Variants in SHTN1 observed in about 807,000 individuals in gnomAD.
The protein encoded by SHTN1 is shootin-1.
A neutral mutation model predicts 83.1 loss-of-function variants in SHTN1; 42 were observed. The ratio of observed to expected loss-of-function variants is 0.51; its 90% confidence interval spans 0.39 to 0.65. SHTN1 has a LOEUF of 0.65. SHTN1 is among the 30% of genes least tolerant of loss of function. The probability of loss-of-function intolerance (pLI) is 0.00; values close to 1 mark genes in which losing one functional copy is unlikely to be tolerated. For synonymous variants in SHTN1, 224 were observed against 247.7 expected (o/e 0.90, Z 0.90); for missense variants, 622 against 737.8 (o/e 0.84, Z 1.82).
intron 1 of SHTN1, among the ~76,000 whole-genome samples, chr10:117,003,607 G>A (rs777009655): frequency 6.6e-6 from 1 of 151,880 alleles, no homozygotes; most frequent in African/African-American, 2.4e-5. Flanking sequence ...AAGAGTACTG[G>A]ACAGGACCTC....
intron 15 of SHTN1, among the ~76,000 whole-genome samples, chr10:116,905,208 C>CAAAAA (rs772309175): frequency 1.7e-4 from 11 of 63,434 alleles, no homozygotes; most frequent in African/African-American, 4.9e-4. Flanking sequence ...GACTCCGTCT[C>CAAAAA]AAAAAAAAAA....
rs117683264 is a variant in SHTN1 at position 117,124,990 on chromosome 10, C to T, written c.-189+1317G>A. ...AGTTACTTGGAAACAGCTTCCTACT[C>T]TGCCATGACCTGCCCAGGCTAAGAA... On this transcript the variant is annotated intron_variant, in intron 1 of 17. Coordinates refer to the SHTN1 transcript ENST00000392901. Among the ~76,000 whole-genome samples the T allele has an allele frequency of 2.0e-5, 3 of 152,274 alleles. No individual in the cohort carries two copies. The East Asian group carries it at 5.8e-4, about 29-fold the overall frequency.
intron 2 of SHTN1, among the ~76,000 whole-genome samples, chr10:116,972,367 G>A (rs1166917404): frequency 1.3e-5 from 2 of 151,824 alleles, no homozygotes; most frequent in Non-Finnish European, 2.9e-5. Context: ...TGGGGGTGGG[G>A]AGAGTCTACA....
chr10:116,932,802 TTGTTA>T (rs1849018861), intron 9 of SHTN1, among the ~76,000 whole-genome samples: 1 of 152,214 alleles, frequency 6.6e-6, no homozygotes, highest in African/African-American at 2.4e-5. Context: ...GAAGTAGTGA[TTGTTA>T]TAATTTCATT....
chr10:116,917,022 T>C (rs914225470), intron 12 of SHTN1, among the ~76,000 whole-genome samples: 14 of 152,206 alleles, frequency 9.2e-5, no homozygotes, highest in Non-Finnish European at 2.1e-4. Context: ...ATGACTAAAC[T>C]GTGGGTTGAT....
intron 1 of SHTN1, among the ~76,000 whole-genome samples, chr10:117,084,553 G>T (rs1439555846): frequency 6.6e-6 from 1 of 152,208 alleles, no homozygotes; most frequent in Admixed American, 6.5e-5. Context: ...CTTGAGCTGT[G>T]GTGGGCTCCA....
chr10:116,979,448 C>A, intron 1 of SHTN1, 140 bp from the exon 2 acceptor site: 1 of 676,832 alleles, frequency 1.5e-6, no homozygotes, highest in Non-Finnish European at 2.6e-6. Flanking sequence ...GGGGCTTCTG[C>A]TTTTTATTTT....
At chr10:117,073,099 G>A (rs1404932101) in intron 1 of SHTN1, among the ~76,000 whole-genome samples, 1 of 152,148 alleles carries the variant, frequency 6.6e-6, no homozygotes, top group African/African-American at 2.4e-5. Flanking sequence ...AATTGAACAA[G>A]TAAAAGAAAG....
In SHTN1 at chr10:116,884,580, T is replaced by G. The variant is rs1847110007; in HGVS notation, c.*1764A>C. On this transcript the variant is annotated 3_prime_UTR_variant, in exon 17 of 17. Coordinates refer to ENST00000355371, the MANE Select transcript of SHTN1 (RefSeq NM_001127211.3). ...AATATGGAAAGACAGTGTACATATT[T>G]TTATATTCCTAAATGTGTGTGAGTT... 2 of 241,768 alleles carry G rather than the reference T, an allele frequency of 8.3e-6. No homozygotes were observed. Among genetic ancestry groups the G allele is most frequent in the South Asian group, 4.8e-5 (1 of 20,936 alleles). 15.0% of individuals were successfully genotyped at this position (241,768 alleles called of 1,614,324 possible).
intron 3 of SHTN1, 90 bp downstream of exon 3, chr10:116,968,562 A>G (rs1850484028): frequency 3.5e-6 from 3 of 868,470 alleles, no homozygotes; most frequent in Non-Finnish European, 5.5e-6. Context: ...TATGACCAGG[A>G]CATTAGCAAC....
intron 1 of SHTN1, among the ~76,000 whole-genome samples, chr10:117,087,179 G>C (rs1489541942): frequency 2.4e-5 from 1 of 41,620 alleles, no homozygotes. Flanking sequence ...GAGTGACGAA[G>C]AATTTCTGTA....
rs1055592598 is a variant in SHTN1, at chr10:117,097,395, G to A, written c.-189+28912C>T. 2.6e-5 allele frequency among the ~76,000 whole-genome samples: 4 copies of A among 152,152 alleles called. 1 individual carries two copies. Among genetic ancestry groups the A allele is most frequent in the Admixed American group, 6.5e-5 (1 of 15,272 alleles). On this transcript the variant is annotated intron_variant, in intron 1 of 17. Transcript: ENST00000392901. The stretch of plus-strand genomic sequence containing the variant: ...GTGAAGAGAAAAAAGTAATTCTTAC[G>A]GCAAAATTTTAATTCACTGTTCTAC...
intron 1 of SHTN1, among the ~76,000 whole-genome samples, chr10:117,100,130 T>C (rs567061430): frequency 2.6e-5 from 4 of 152,260 alleles, no homozygotes; most frequent in South Asian, 2.1e-4. Context: ...TGAGCCGAGA[T>C]AGCGCCATTG....
chr10:117,027,529 C>T (rs371083934), intron 2 of SHTN1, among the ~76,000 whole-genome samples: 79 of 150,608 alleles, frequency 5.2e-4, no homozygotes, highest in African/African-American at 1.6e-3. Context: ...GACAGAGTCT[C>T]GTTCTGTAGC....
chr10:116,933,472 C>A (rs898636780), intron 9 of SHTN1, among the ~76,000 whole-genome samples: 3 of 152,220 alleles, frequency 2.0e-5, no homozygotes, highest in Non-Finnish European at 2.9e-5. Context: ...CCAGCTTCAT[C>A]CGTGTCCCTG....
chr10:116,903,564 A>C (rs1847835982), intron 15 of SHTN1, among the ~76,000 whole-genome samples: 1 of 152,314 alleles, frequency 6.6e-6, no homozygotes, highest in African/African-American at 2.4e-5. Flanking sequence ...AGCTATGTCA[A>C]GCCTCATGTT....
intron 1 of SHTN1, among the ~76,000 whole-genome samples, chr10:117,079,023 ATTT>A (rs57691360): frequency 3.0e-4 from 45 of 151,528 alleles, no homozygotes; most frequent in African/African-American, 1.0e-3. Flanking sequence ...AGATTTGTGA[ATTT>A]TTTTTATTTT....
chr10:117,094,570 C>T (rs1348626192), intron 1 of SHTN1, among the ~76,000 whole-genome samples: 1 of 152,142 alleles, frequency 6.6e-6, no homozygotes, highest in Non-Finnish European at 1.5e-5. Flanking sequence ...GCTCTGCTGA[C>T]ATCTCAAAGT....
intron 2 of SHTN1, among the ~76,000 whole-genome samples, chr10:117,031,226 A>T (rs1256692320): frequency 2.0e-5 from 3 of 152,226 alleles, no homozygotes; most frequent in South Asian, 2.1e-4. Context: ...GAAGAAAAAA[A>T]GTTTTACCTG....
Sources: gnomAD v4.1 joint callset for allele counts (sites outside exome capture counted in the v4.1 genomes callset) on GRCh38, gnomAD v4.1.1 for gene constraint, MANE v1.5 for transcripts, NCBI Gene and HGNC (gene_info 2026-07-23, HGNC 2026-07-21) for gene names.